Variants in TRHR observed in about 807,000 individuals in gnomAD.
TRHR encodes thyrotropin releasing hormone receptor, also known as thyrotropin-releasing hormone receptor.
Under a neutral mutation model 28.0 loss-of-function variants are expected in TRHR, and 14 were observed. The ratio of observed to expected loss-of-function variants is 0.50; its 90% CI spans 0.33 to 0.78. The LOEUF (loss-of-function observed/expected upper bound fraction) is 0.78, where lower values mean the gene tolerates loss of function less well. Ranked by LOEUF, TRHR falls within the 30% of genes least tolerant of loss-of-function variation. The pLI, the probability that TRHR is intolerant of heterozygous loss-of-function variation, is 0.02. For synonymous variants in TRHR, 176 were observed against 171.9 expected (o/e 1.02, Z -0.18); for missense variants, 438 against 469.5 (o/e 0.93, Z 0.62).
chr8:109,118,953 C>T lies in TRHR; in HGVS notation c.790-95C>T, dbSNP rs1811959743. The T allele has an allele frequency of 2.0e-6, 3 of 1,500,116 alleles. No homozygotes were observed. The South Asian group carries it at 3.4e-5, about 17-fold the overall frequency. 92.9% of individuals were successfully genotyped at this position (1,500,116 alleles called of 1,614,324 possible). A position where few individuals can be genotyped will look rare whatever the true frequency, so the allele number is the denominator to read the frequency against. On this transcript the variant is annotated intron_variant, in intron 2 of 2. Transcript: ENST00000518632. ...GCACCTAACTCCTTGTCTCAGACTA[C>T]ATTTTGGGAACTAAAGGTTTGGGTG...
intron 2 of TRHR, among the ~76,000 whole-genome samples, chr8:109,116,499 AAG>A (rs1811923654): frequency 6.6e-6 from 1 of 152,054 alleles, no homozygotes; most frequent in African/African-American, 2.4e-5. Context: ...TGGCCTATTC[AAG>A]GATTCAACTT....
In TRHR at chr8:109,087,817, C is replaced by A; in HGVS notation, c.305C>A (p.Thr102Asn). 6.2e-7 allele frequency: 1 copy of A among 1,614,222 alleles called. No individual in the cohort carries two copies. Among genetic ancestry groups the A allele is most frequent in the Non-Finnish European group, 8.5e-7 (1 of 1,180,050 alleles). Residue 102 changes from threonine (T) to asparagine (N), a missense_variant, in exon 2 of 3, where the codon ACT (threonine) becomes AAT (asparagine). By Grantham distance (65) the Thr-to-Asn change is moderately conservative. Coordinates refer to ENST00000518632, the MANE Select transcript of TRHR (RefSeq NM_003301.7). The part of the protein sequence containing the change: ...VYGYVGCLCI[T>N]YLQYLGINAS... The stretch of plus-strand genomic sequence containing the variant: ...GGCTATGTTGGATGCCTCTGCATTA[C>A]TTACCTCCAGTATTTGGGAATTAAT...
At position 109,100,337 on chromosome 8, in the gene TRHR, A is replaced by G. The variant is rs748603370; in HGVS notation, c.789+12036A>G. Among the ~76,000 whole-genome samples, 37 of 152,206 alleles carry G rather than the reference A, an allele frequency of 2.4e-4. 1 individual carries two copies. Among genetic ancestry groups the G allele is most frequent in the Admixed American group, 3.3e-4 (5 of 15,278 alleles). On this transcript the variant is annotated intron_variant, in intron 2 of 2. Coordinates refer to ENST00000518632, the MANE Select transcript of TRHR (RefSeq NM_003301.7). Reference sequence around the variant, plus strand: ...CCTCCAGGGATTTCTTTAGGAATCAATTGGAAATCTCTCTGAATAAGTTAA... The same window carrying G: ...CCTCCAGGGATTTCTTTAGGAATCAGTTGGAAATCTCTCTGAATAAGTTAA...
chr8:109,101,682 G>C (rs974258052), intron 2 of TRHR, among the ~76,000 whole-genome samples: 3 of 152,140 alleles, frequency 2.0e-5, no homozygotes, highest in Admixed American at 6.6e-5. Flanking sequence ...AAGCATGTCA[G>C]GTTTAGTTTT....
intron 2 of TRHR, among the ~76,000 whole-genome samples, chr8:109,103,964 A>G (rs936224926): frequency 6.6e-6 from 1 of 152,204 alleles, no homozygotes; most frequent in African/African-American, 2.4e-5. Flanking sequence ...ATGTTCTTAT[A>G]TGCATTGTTA....
intron 2 of TRHR, among the ~76,000 whole-genome samples, chr8:109,098,114 A>G (rs1193695630): frequency 6.7e-6 from 1 of 149,354 alleles, no homozygotes; most frequent in East Asian, 2.0e-4. Context: ...CCTCCTTCCA[A>G]TCCCCCTGCC....
In TRHR at chr8:109,119,288, A is replaced by G. The variant is rs766490037; in HGVS notation, c.1030A>G (p.Lys344Glu). The change falls in exon 3 of 3, where the codon AAA becomes GAA. Residue 344 changes from lysine to glutamate, a missense_variant. Physicochemically the swap from Lys to Glu is moderately conservative, Grantham distance 56 (BLOSUM62 1). Transcript: ENST00000518632. ...CAACTGCAAGCAGAAGCCAACAGAG[A>G]AACCTGCTAACTACAGTGTGGCCCT... ...LCNCKQKPTE[K>E]PANYSVALNY... 6.2e-7 allele frequency: 1 copy of G among 1,612,810 alleles called. No homozygotes were observed. Among genetic ancestry groups the G allele is most frequent in the Admixed American group, 1.7e-5 (1 of 59,870 alleles).
chr8:109,119,007 T>A, intron 2 of TRHR, 41 bp from the exon 3 acceptor site: 1 of 1,611,546 alleles, frequency 6.2e-7, no homozygotes, highest in Non-Finnish European at 8.5e-7. Flanking sequence ...TGTTTTGTTT[T>A]CATTTGTGTT....
chr8:109,101,133 G>A (rs1336972870), intron 2 of TRHR, among the ~76,000 whole-genome samples: 2 of 152,146 alleles, frequency 1.3e-5, no homozygotes, highest in Non-Finnish European at 2.9e-5. Context: ...TCTCCAATGT[G>A]GCCAAATAAT....
intron 2 of TRHR, among the ~76,000 whole-genome samples, chr8:109,103,968 ATT>A (rs1811715055): frequency 6.6e-6 from 1 of 152,184 alleles, no homozygotes; most frequent in Admixed American, 6.5e-5. Flanking sequence ...TCTTATATGC[ATT>A]GTTAGTCAAA....
Position 109,119,073 on chromosome 8 carries a change from T to C in TRHR, c.815T>C (p.Val272Ala). 6.2e-7 allele frequency: 1 copy of C among 1,612,820 alleles called. No individual in the cohort carries two copies. The highest frequency in any genetic ancestry group is 8.5e-7 in the Non-Finnish European group (1 of 1,179,118). The part of the protein sequence containing the change: ...KQVTKMLAVV[V>A]ILFALLWMPY... ...GTCACCAAGATGCTGGCAGTGGTTGTAATTCTGTTTGCCCTTTTATGGATG... is the reference window on the plus strand; with the variant it reads ...GTCACCAAGATGCTGGCAGTGGTTGCAATTCTGTTTGCCCTTTTATGGATG... The change falls in exon 3 of 3, where the codon GTA (valine) becomes GCA (alanine). Residue 272 changes from valine (V) to alanine (A), a missense_variant. Physicochemically the swap from Val to Ala is moderately conservative, Grantham distance 64. Coordinates refer to ENST00000518632, the MANE Select transcript of TRHR (RefSeq NM_003301.7).
intron 2 of TRHR, among the ~76,000 whole-genome samples, chr8:109,110,830 A>G (rs948886503): frequency 6.6e-6 from 1 of 152,158 alleles, no homozygotes; most frequent in East Asian, 1.9e-4. Context: ...CATGATATGA[A>G]GCACCCCACA....
chr8:109,099,861 T>C (rs1490884612), intron 2 of TRHR, among the ~76,000 whole-genome samples: 1 of 152,134 alleles, frequency 6.6e-6, no homozygotes, highest in African/African-American at 2.4e-5. Flanking sequence ...TTCTGGGCCT[T>C]TGTTGTTTGA....
At chr8:109,092,735 G>A (rs896734569) in intron 2 of TRHR, among the ~76,000 whole-genome samples, 3 of 151,964 alleles carry the variant, frequency 2.0e-5, no homozygotes, top group Non-Finnish European at 2.9e-5. Context: ...CACCGCACCC[G>A]GCACAACTTT....
intron 2 of TRHR, among the ~76,000 whole-genome samples, chr8:109,088,764 A>G (rs766465714): frequency 2.2e-4 from 33 of 152,220 alleles, no homozygotes; most frequent in Non-Finnish European, 4.4e-4. Context: ...TTGCCATTCT[A>G]TGGTTACTCA....
At chr8:109,100,090 C>T (rs958342497) in intron 2 of TRHR, among the ~76,000 whole-genome samples, 2 of 152,170 alleles carry the variant, frequency 1.3e-5, no homozygotes, top group East Asian at 1.9e-4. Flanking sequence ...GCAGAATTGA[C>T]ACCCTGCCAT....
chr8:109,105,652 A>T (rs1231759867), intron 2 of TRHR, among the ~76,000 whole-genome samples: 1 of 152,186 alleles, frequency 6.6e-6, no homozygotes, highest in Non-Finnish European at 1.5e-5. Context: ...AAATAATGAA[A>T]TGCTGAAATG....
Position 109,119,448 on chromosome 8 carries a change from A to G in TRHR, c.1190A>G (p.Gln397Arg), listed in dbSNP as rs981576280. 1.9e-6 allele frequency: 3 copies of G among 1,611,878 alleles called. No individual in the cohort carries two copies. The South Asian group carries it at 3.3e-5, about 18-fold the overall frequency. ...TCLASEVSFS[Q>R]S The stretch of plus-strand genomic sequence containing the variant: ...TTGGCTTCTGAGGTATCCTTTAGCC[A>G]AAGTTGATTCATGAATTAGAAGAAA... Residue 397 changes from glutamine (Q) to arginine (R), a missense_variant, in exon 3 of 3, where the codon CAA becomes CGA. By Grantham distance (43) the Gln-to-Arg change is conservative (BLOSUM62 1). Transcript: ENST00000518632.
At chr8:109,090,684 G>A (rs956257092) in intron 2 of TRHR, among the ~76,000 whole-genome samples, 1 of 152,172 alleles carries the variant, frequency 6.6e-6, no homozygotes, top group African/African-American at 2.4e-5. Context: ...CTTTATGGAA[G>A]AGGTGGCATT....
Sources: allele counts gnomAD v4.1 joint callset (sites outside exome capture counted in the v4.1 genomes callset), GRCh38; gene constraint gnomAD v4.1.1; transcripts MANE v1.5; gene names NCBI Gene and HGNC (gene_info 2026-07-23, HGNC 2026-07-21).